The following CPED1 variants were observed in gnomAD, a reference collection of about 807,000 sequenced individuals.
The protein encoded by CPED1 is cadherin like and PC-esterase domain containing 1.
Under a neutral mutation model 128.2 loss-of-function variants are expected in CPED1, and 114 were observed. The observed-to-expected ratio is 0.89, with a 90% CI of 0.76 to 1.04. CPED1 has a LOEUF of 1.04. CPED1 is among the 50% of genes least tolerant of loss of function. The pLI, the probability that CPED1 is intolerant of heterozygous loss-of-function variation, is 0.00. For synonymous variants in CPED1, 462 were observed against 426.7 expected, an observed-to-expected ratio of 1.08 and a Z score of -1.02; for missense variants, 1,211 against 1,207.1, an observed-to-expected ratio of 1.00 and a Z score of -0.05.
chr7:121,001,418 A>G (rs1038777470), intron 2 of CPED1, among the ~76,000 whole-genome samples: 54 of 152,170 alleles, frequency 3.5e-4, no homozygotes, highest in Admixed American at 3.1e-3. Flanking sequence ...TGACCTGAGC[A>G]TATTTTGAGT....
At chr7:121,065,654 G>A (rs1793813037) in intron 5 of CPED1, among the ~76,000 whole-genome samples, 1 of 152,046 alleles carries the variant, frequency 6.6e-6, no homozygotes, top group East Asian at 1.9e-4. Flanking sequence ...GATTACCAGT[G>A]TTTTAAAAAG....
At chr7:121,039,212 T>C (rs948201125) in intron 3 of CPED1, among the ~76,000 whole-genome samples, 25 of 152,136 alleles carry the variant, frequency 1.6e-4, no homozygotes, top group African/African-American at 5.8e-4. Context: ...TATGGGCTCA[T>C]GGATATTTAT....
chr7:121,073,031 A>G (rs1563014954), intron 5 of CPED1, among the ~76,000 whole-genome samples: 1 of 152,158 alleles, frequency 6.6e-6, no homozygotes, highest in Non-Finnish European at 1.5e-5. Context: ...AAGTGTTAGA[A>G]GCACTGACAC....
intron 3 of CPED1, among the ~76,000 whole-genome samples, chr7:121,026,728 A>G (rs1174310697): frequency 6.6e-6 from 1 of 150,732 alleles, no homozygotes; most frequent in East Asian, 2.0e-4. Context: ...GGATAACCAT[A>G]GTAATTGGCC....
chr7:121,133,203 A>G (rs1387085174), intron 12 of CPED1, among the ~76,000 whole-genome samples: 1 of 152,050 alleles, frequency 6.6e-6, no homozygotes, highest in Non-Finnish European at 1.5e-5. Context: ...TATCATCAGG[A>G]CCAGCAATTT....
chr7:120,992,791 T>C (rs1399714428), intron 2 of CPED1, among the ~76,000 whole-genome samples: 2 of 152,192 alleles, frequency 1.3e-5, no homozygotes, highest in African/African-American at 4.8e-5. Flanking sequence ...TTGTTGCAGT[T>C]GTATCTATGA....
At chr7:121,213,962 A>G (rs1797702289) in intron 16 of CPED1, among the ~76,000 whole-genome samples, 1 of 151,966 alleles carries the variant, frequency 6.6e-6, no homozygotes, top group Non-Finnish European at 1.5e-5. Context: ...TAGGACCCAC[A>G]TTACTTTTGG....
At chr7:121,003,810 G>A (rs1223767492) in intron 2 of CPED1, among the ~76,000 whole-genome samples, 1 of 152,164 alleles carries the variant, frequency 6.6e-6, no homozygotes. Flanking sequence ...AGCCAAGGTT[G>A]CATGTCAGTA....
At chr7:121,210,296 T>C (rs891754868) in intron 16 of CPED1, among the ~76,000 whole-genome samples, 1 of 151,966 alleles carries the variant, frequency 6.6e-6, no homozygotes, top group Non-Finnish European at 1.5e-5. Context: ...GATCCAGCAA[T>C]CTCACTGCTG....
chr7:121,063,517 T>A (rs1308971342), intron 4 of CPED1, among the ~76,000 whole-genome samples: 1 of 151,706 alleles, frequency 6.6e-6, no homozygotes, highest in Non-Finnish European at 1.5e-5. Context: ...CAGGACATAG[T>A]GCTGCAATAC....
chr7:121,249,392 A>G (rs1798615458), intron 18 of CPED1, among the ~76,000 whole-genome samples: 1 of 152,190 alleles, frequency 6.6e-6, no homozygotes, highest in Admixed American at 6.5e-5. Flanking sequence ...ACCAAGATCA[A>G]TATAAAAGAA....
chr7:121,015,768 T>A lies in CPED1; in HGVS notation c.353T>A (p.Ile118Asn). The change falls in exon 3 of 23, where the codon ATT (isoleucine) becomes AAT (asparagine). Residue 118 changes from isoleucine (I) to asparagine (N), a missense_variant. Ile to Asn is a moderately radical substitution (Grantham distance 149). Coordinates refer to ENST00000310396, the MANE Select transcript of CPED1 (RefSeq NM_024913.5). Reference sequence around the variant, plus strand: ...ACAGAGCTTCAGCTACACCAGCACATTCTGACTCAACATGGCTATACGGTT... The same window carrying A: ...ACAGAGCTTCAGCTACACCAGCACAATCTGACTCAACATGGCTATACGGTT... ...SKTELQLHQH[I>N]LTQHGYTVVI... 1 of 1,611,956 alleles carries A rather than the reference T, an allele frequency of 6.2e-7. No individual in the cohort carries two copies. The highest frequency in any genetic ancestry group is 2.2e-5 in the East Asian group (1 of 44,780).
At chr7:121,104,304 TCTAA>T (rs1270863364) in intron 7 of CPED1, among the ~76,000 whole-genome samples, 4 of 152,148 alleles carry the variant, frequency 2.6e-5, no homozygotes, top group Admixed American at 6.6e-5. Context: ...TCACAAATAT[TCTAA>T]CTATAACTTT....
chr7:121,030,547 C>T (rs995969679), intron 3 of CPED1, among the ~76,000 whole-genome samples: 3 of 152,214 alleles, frequency 2.0e-5, no homozygotes, highest in Non-Finnish European at 2.9e-5. Context: ...CTTTGAGTCA[C>T]TTGGTAGCCT....
At chr7:121,075,420 TTCTC>T (rs1390501731) in intron 5 of CPED1, among the ~76,000 whole-genome samples, 21 of 152,300 alleles carry the variant, frequency 1.4e-4, no homozygotes, top group African/African-American at 4.8e-4. Flanking sequence ...TTGTTTACCT[TTCTC>T]TCTACAGTGC....
chr7:121,279,355 A>T (rs1792400922), intron 22 of CPED1, among the ~76,000 whole-genome samples: 1 of 152,040 alleles, frequency 6.6e-6, no homozygotes, highest in Non-Finnish European at 1.5e-5. Flanking sequence ...GTACAGACTA[A>T]ATGAGGCAGA....
intron 4 of CPED1, chr7:121,051,962 T>A (rs1384224963): frequency 2.0e-5 from 3 of 152,384 alleles, no homozygotes; most frequent in Non-Finnish European, 4.4e-5. Flanking sequence ...AGTTTAAGTG[T>A]CTGTACTGAT....
intron 5 of CPED1, among the ~76,000 whole-genome samples, chr7:121,075,596 G>A (rs189390505): frequency 3.9e-5 from 6 of 152,144 alleles, no homozygotes; most frequent in Non-Finnish European, 8.8e-5. Flanking sequence ...CTGAGTAGCT[G>A]GGATTACAGG....
chr7:121,210,295 A>G (rs1053125038), intron 16 of CPED1, among the ~76,000 whole-genome samples: 3 of 152,170 alleles, frequency 2.0e-5, no homozygotes, highest in East Asian at 3.9e-4. Context: ...TGATCCAGCA[A>G]TCTCACTGCT....
Sources: gnomAD v4.1 joint callset for allele counts (sites outside exome capture counted in the v4.1 genomes callset) on GRCh38, gnomAD v4.1.1 for gene constraint, MANE v1.5 for transcripts, NCBI Gene and HGNC (gene_info 2026-07-23, HGNC 2026-07-21) for gene names.